Variants in PREX2 observed in about 807,000 individuals in gnomAD.
The protein encoded by PREX2 is phosphatidylinositol-3,4,5-trisphosphate dependent Rac exchange factor 2.
Under a neutral mutation model 203.2 loss-of-function variants are expected in PREX2, and 107 were observed. That is an observed-to-expected ratio of 0.53 (90% CI 0.45 to 0.62). PREX2 has a LOEUF of 0.62. PREX2 is among the 20% of genes least tolerant of loss of function. PREX2 has a pLI of 0.00. For synonymous variants in PREX2, 672 were observed against 663.6 expected (o/e 1.01, Z -0.19); for missense variants, 1,777 against 1,955.9 (o/e 0.91, Z 1.72).
At chr8:68,126,515 C>T (rs16934184) in intron 30 of PREX2, among the ~76,000 whole-genome samples, 6,645 of 152,124 alleles carry the variant, frequency 0.044, 423 homozygotes, top group African/African-American at 0.14. Context: ...CTCTGAAATC[C>T]TTTTCTGCTT....
At chr8:68,150,776 C>T (rs1468735104) in intron 34 of PREX2, among the ~76,000 whole-genome samples, 1 of 152,140 alleles carries the variant, frequency 6.6e-6, no homozygotes, top group East Asian at 1.9e-4. Context: ...CCCAGTGCTG[C>T]CCTAGCAAGT....
intron 32 of PREX2, among the ~76,000 whole-genome samples, chr8:68,135,987 A>C (rs1412096793): frequency 6.6e-6 from 1 of 152,198 alleles, no homozygotes; most frequent in Non-Finnish European, 1.5e-5. Flanking sequence ...AAGACCTCAT[A>C]TAGTTTGATT....
chr8:68,017,760 G>A, intron 1 of PREX2, 86 bp from the exon 2 acceptor site: 1 of 1,158,294 alleles, frequency 8.6e-7, no homozygotes, highest in East Asian at 2.5e-5. Flanking sequence ...TTGGTTTGTT[G>A]TAAAGAAATT....
chr8:68,086,510 G>A (rs1249543201), intron 18 of PREX2, among the ~76,000 whole-genome samples: 8 of 152,106 alleles, frequency 5.3e-5, no homozygotes, highest in African/African-American at 7.2e-5. Flanking sequence ...TTTCTTGGGC[G>A]TCAAGGGCTA....
At chr8:68,101,768 C>T (rs1379762437) in intron 23 of PREX2, among the ~76,000 whole-genome samples, 5 of 152,126 alleles carry the variant, frequency 3.3e-5, no homozygotes, top group African/African-American at 7.2e-5. Context: ...AACTGGTCAC[C>T]GTGCCTGGGA....
At chr8:68,004,069 C>T (rs1433247947) in intron 1 of PREX2, among the ~76,000 whole-genome samples, 2 of 152,146 alleles carry the variant, frequency 1.3e-5, no homozygotes, top group Admixed American at 6.6e-5. Flanking sequence ...TTTGGCCTGA[C>T]TCTTTTAACT....
chr8:68,120,915 A>G lies in PREX2; in HGVS notation c.3596-6A>G, dbSNP rs905131895. 2.5e-6 allele frequency: 4 copies of G among 1,610,916 alleles called. No individual in the cohort carries two copies. The Admixed American group carries it at 6.7e-5, about 27-fold the overall frequency. On this transcript the variant is annotated splice_region_variant and splice_polypyrimidine_tract_variant and intron_variant, in intron 29 of 39. Coordinates refer to ENST00000288368, the MANE Select transcript of PREX2 (RefSeq NM_024870.4). ...GACTTAAGAGAGATTTTCTGTGTTT[A>G]TTTAGAATTTCAACAGGAAATGGAA...
chr8:68,201,267 C>G (rs796741078), intron 37 of PREX2, among the ~76,000 whole-genome samples: 3 of 151,804 alleles, frequency 2.0e-5, no homozygotes, highest in African/African-American at 7.2e-5. Flanking sequence ...AAATGATTCT[C>G]TTTTTTTTGC....
rs1805442842 is a variant in PREX2 at position 67,954,626 on chromosome 8, TTAAA to T, written c.141+2095_141+2098del. ...TTATTTTTAAAAGTTAGCCATAGTA[TTAAA>T]TAAGTCGAGTGGTAAATTTGTTGCC... On this transcript the variant is annotated intron_variant, in intron 1 of 39. Transcript: ENST00000288368. 2.6e-5 allele frequency among the ~76,000 whole-genome samples: 4 copies of T among 152,338 alleles called. No individual in the cohort carries two copies. In the South Asian group the frequency reaches 8.3e-4, roughly 32 times the overall value.
intron 37 of PREX2, among the ~76,000 whole-genome samples, chr8:68,194,152 A>G (rs549779273): frequency 1.6e-4 from 24 of 152,276 alleles, no homozygotes; most frequent in Admixed American, 3.9e-4. Flanking sequence ...GTCTGTTCCT[A>G]TTCATTCATT....
intron 34 of PREX2, among the ~76,000 whole-genome samples, chr8:68,155,887 T>G (rs2129613902): frequency 6.6e-6 from 1 of 152,314 alleles, no homozygotes; most frequent in Admixed American, 6.5e-5. Context: ...TCAAAATACA[T>G]TTAAAATTAG....
chr8:68,068,441 A>G (rs1196145589), intron 11 of PREX2, among the ~76,000 whole-genome samples: 1 of 152,110 alleles, frequency 6.6e-6, no homozygotes, highest in African/African-American at 2.4e-5. Flanking sequence ...TTCTTAATGT[A>G]AGAACAGTTA....
intron 24 of PREX2, among the ~76,000 whole-genome samples, 182 bp from the exon 25 acceptor site, chr8:68,109,234 C>T (rs989565009): frequency 1.3e-5 from 2 of 152,122 alleles, no homozygotes; most frequent in Non-Finnish European, 2.9e-5. Flanking sequence ...TGAAGTAATA[C>T]ATATGTTAAT....
At position 68,105,477 on chromosome 8, in the gene PREX2, A is replaced by G. The variant is rs1043191110; in HGVS notation, c.2716-2632A>G. On this transcript the variant is annotated intron_variant, in intron 23 of 39. Coordinates refer to ENST00000288368, the MANE Select transcript of PREX2 (RefSeq NM_024870.4). ...GCATTTGTATTGAGCTACAAGTTGGAAAGCCAGTCCCCCTAGCAAGAGAAT... is the reference window on the plus strand; with the variant it reads ...GCATTTGTATTGAGCTACAAGTTGGGAAGCCAGTCCCCCTAGCAAGAGAAT... The G allele has an allele frequency of 1.7e-5, 19 of 1,148,344 alleles. No individual in the cohort carries two copies. In the African/African-American group the frequency reaches 3.1e-4, roughly 19 times the overall value. 71.1% of individuals were successfully genotyped at this position (1,148,344 alleles called of 1,614,324 possible). A position where few individuals can be genotyped will look rare whatever the true frequency, so the allele number is the denominator to read the frequency against.
chr8:68,081,873 T>C (rs1452427688), intron 17 of PREX2, among the ~76,000 whole-genome samples: 1 of 151,844 alleles, frequency 6.6e-6, no homozygotes, highest in Non-Finnish European at 1.5e-5. Context: ...TTTTTTTTTT[T>C]TTTTAATAGA....
intron 39 of PREX2, among the ~76,000 whole-genome samples, chr8:68,226,164 T>G (rs1813053181): frequency 6.6e-6 from 1 of 152,120 alleles, no homozygotes; most frequent in East Asian, 1.9e-4. Flanking sequence ...TTTTTAAAAT[T>G]TATTTTATTT....
At chr8:67,978,825 TATG>T (rs1222909931) in intron 1 of PREX2, among the ~76,000 whole-genome samples, 1 of 152,220 alleles carries the variant, frequency 6.6e-6, no homozygotes, top group African/African-American at 2.4e-5. Flanking sequence ...TATTTATTCT[TATG>T]ATAATGCCTA....
chr8:68,223,422 G>C (rs1812996303), intron 38 of PREX2: 2 of 152,066 alleles, frequency 1.3e-5, no homozygotes, highest in African/African-American at 4.8e-5. Context: ...AACTGCTTTT[G>C]GATTAGCCAA....
chr8:67,959,149 C>T (rs1288820698), intron 1 of PREX2, among the ~76,000 whole-genome samples: 1 of 152,088 alleles, frequency 6.6e-6, no homozygotes, highest in Non-Finnish European at 1.5e-5. Flanking sequence ...TTTGAGCTAT[C>T]AAAGGCTGAA....
Sources: gnomAD v4.1 joint callset for allele counts (sites outside exome capture counted in the v4.1 genomes callset) on GRCh38, gnomAD v4.1.1 for gene constraint, MANE v1.5 for transcripts, NCBI Gene and HGNC (gene_info 2026-07-23, HGNC 2026-07-21) for gene names.